Variants in HECW2 observed in about 807,000 individuals in gnomAD.
HECW2 encodes the protein E3 ubiquitin-protein ligase HECW2.
A neutral mutation model predicts 175.2 loss-of-function variants in HECW2; 61 were observed. That is an observed-to-expected ratio of 0.35 (90% CI 0.28 to 0.43). The LOEUF is 0.43. Among genes scored for constraint, HECW2 ranks in the 20% least tolerant of loss-of-function variants. The pLI is 1.00. For synonymous variants in HECW2, 671 were observed against 731.0 expected (o/e 0.92, Z 1.32); for missense variants, 1,524 against 2,000.5 (o/e 0.76, Z 4.54).
intron 3 of HECW2, among the ~76,000 whole-genome samples, chr2:196,335,007 A>G (rs1464498207): frequency 1.3e-5 from 2 of 152,254 alleles, no homozygotes; most frequent in Non-Finnish European, 2.9e-5. Flanking sequence ...ACCTCTATCT[A>G]CATTGACTGT....
rs145385364 is a variant in HECW2 at position 196,395,550 on chromosome 2, G to A, written c.292+37582C>T. 2.1e-4 allele frequency among the ~76,000 whole-genome samples: 32 copies of A among 152,120 alleles called. No homozygotes were observed. In the East Asian group the frequency reaches 3.7e-3, roughly 17 times the overall value. On this transcript the variant is annotated intron_variant, in intron 2 of 28. Transcript: ENST00000644978. The stretch of plus-strand genomic sequence containing the variant: ...ACCAAACAACTTGGTTTAGAAATGC[G>A]CAAAGAACTTAATAGACATTTCTCC...
intron 20 of HECW2, among the ~76,000 whole-genome samples, chr2:196,240,927 T>C (rs892030568): frequency 6.6e-6 from 1 of 152,086 alleles, no homozygotes; most frequent in African/African-American, 2.4e-5. Flanking sequence ...AGAACAACTC[T>C]ATGAGGCAAT....
chr2:196,508,751 A>C (rs1293376601), intron 1 of HECW2, among the ~76,000 whole-genome samples: 3 of 152,002 alleles, frequency 2.0e-5, no homozygotes, highest in Admixed American at 1.3e-4. Context: ...CCTTTCTTTC[A>C]TTCCTCCTCC....
chr2:196,232,470 A>C (rs1688094376), intron 21 of HECW2, among the ~76,000 whole-genome samples: 1 of 152,202 alleles, frequency 6.6e-6, no homozygotes, highest in Non-Finnish European at 1.5e-5. Context: ...TGTTGAATCA[A>C]TGAGTGGAGC....
chr2:196,284,551 T>G (rs1016265516), intron 14 of HECW2, among the ~76,000 whole-genome samples: 1 of 152,134 alleles, frequency 6.6e-6, no homozygotes, highest in Non-Finnish European at 1.5e-5. Context: ...TTTATTCACA[T>G]AAAGGAAATT....
intron 2 of HECW2, among the ~76,000 whole-genome samples, chr2:196,397,219 G>A (rs758847218): frequency 5.3e-5 from 8 of 152,242 alleles, no homozygotes; most frequent in Non-Finnish European, 1.0e-4. Context: ...ACAGATTGGT[G>A]TGACAGAGGA....
chr2:196,430,985 G>A (rs961680877), intron 2 of HECW2, among the ~76,000 whole-genome samples: 1 of 152,088 alleles, frequency 6.6e-6, no homozygotes, highest in Admixed American at 6.6e-5. Flanking sequence ...CCTAAGTATA[G>A]CATAGACAAA....
At chr2:196,266,070 C>G (rs142105100) in intron 17 of HECW2, among the ~76,000 whole-genome samples, 4,172 of 151,934 alleles carry the variant, frequency 0.027, 191 homozygotes, top group African/African-American at 0.095. Context: ...GTGGCTCATG[C>G]CTGTTATCCC....
chr2:196,512,178 C>T (rs951470645), intron 1 of HECW2, among the ~76,000 whole-genome samples: 2 of 152,150 alleles, frequency 1.3e-5, no homozygotes, highest in Non-Finnish European at 2.9e-5. Context: ...TGACGGGCCA[C>T]GTGAGAATGC....
chr2:196,491,489 C>CATATAT (rs201385726), intron 1 of HECW2, among the ~76,000 whole-genome samples: 6 of 116,130 alleles, frequency 5.2e-5, no homozygotes, highest in African/African-American at 2.3e-4. Flanking sequence ...TATATATACA[C>CATATAT]ATATATATAT....
chr2:196,261,158 TA>T (rs1458819754), intron 17 of HECW2, among the ~76,000 whole-genome samples: 1 of 152,068 alleles, frequency 6.6e-6, no homozygotes, highest in African/African-American at 2.4e-5. Flanking sequence ...GCTTAGCAAT[TA>T]AAAAAACCTT....
Position 196,491,835 on chromosome 2 carries a change from ATAAT to A in HECW2, c.-35-58381_-35-58378del, listed in dbSNP as rs773246356. ...TTATAATTCTCTACATACTAGTACA[ATAAT>A]TAAAGAAAAAAAATTTATTTCCAAG... is the stretch of plus-strand genomic sequence containing the variant. On this transcript the variant is annotated intron_variant, in intron 1 of 28. Transcript: ENST00000644978. Among the ~76,000 whole-genome samples the A allele has an allele frequency of 1.2e-4, 18 of 152,202 alleles. No individual in the cohort carries two copies. In the East Asian group the frequency reaches 2.1e-3, roughly 18 times the overall value.
chr2:196,314,966 G>T (rs1691633593), intron 10 of HECW2, among the ~76,000 whole-genome samples: 1 of 152,158 alleles, frequency 6.6e-6, no homozygotes, highest in Non-Finnish European at 1.5e-5. Context: ...CAGCTGAGGT[G>T]AGGACAGACA....
At chr2:196,404,710 T>C (rs1201439433) in intron 2 of HECW2, among the ~76,000 whole-genome samples, 1 of 151,818 alleles carries the variant, frequency 6.6e-6, no homozygotes, top group Non-Finnish European at 1.5e-5. Flanking sequence ...CCACTTTTTC[T>C]CCATTAATCA....
At chr2:196,334,709 A>C (rs1029580690) in intron 3 of HECW2, among the ~76,000 whole-genome samples, 191 bp from the exon 4 acceptor site, 2 of 152,184 alleles carry the variant, frequency 1.3e-5, no homozygotes, top group Non-Finnish European at 2.9e-5. Context: ...AAACTTTGTA[A>C]CCTCTTGAAC....
chr2:196,450,525 CTT>C (rs199504747), intron 1 of HECW2, among the ~76,000 whole-genome samples: 1,717 of 140,526 alleles, frequency 0.012, 41 homozygotes, highest in African/African-American at 0.044. Context: ...GAGTTTCTCT[CTT>C]GTTTCCCAGG....
chr2:196,337,210 G>A (rs1692579472), intron 3 of HECW2, among the ~76,000 whole-genome samples: 1 of 152,194 alleles, frequency 6.6e-6, no homozygotes, highest in Non-Finnish European at 1.5e-5. Flanking sequence ...GTTATTGGAA[G>A]AGGTAACGGA....
intron 1 of HECW2, among the ~76,000 whole-genome samples, chr2:196,529,378 T>C (rs1484024523): frequency 6.6e-6 from 1 of 150,654 alleles, no homozygotes; most frequent in Non-Finnish European, 1.5e-5. Context: ...AAAGGTATTT[T>C]ATTATTACTA....
chr2:196,566,693 C>A (rs1439911884), intron 1 of HECW2, among the ~76,000 whole-genome samples: 1 of 144,020 alleles, frequency 6.9e-6, no homozygotes, highest in Non-Finnish European at 1.5e-5. Flanking sequence ...CCACCACACC[C>A]AGCTAATTTT....
Sources: gnomAD v4.1 joint callset for allele counts (sites outside exome capture counted in the v4.1 genomes callset) on GRCh38, gnomAD v4.1.1 for gene constraint, MANE v1.5 for transcripts, NCBI Gene and HGNC (gene_info 2026-07-23, HGNC 2026-07-21) for gene names.